Variants in HS3ST5 observed in about 807,000 individuals in gnomAD.
HS3ST5 encodes the protein heparan sulfate glucosamine 3-O-sulfotransferase 5.
HS3ST5 carries 10 observed loss-of-function variants against 25.4 expected under a neutral mutation model. The ratio of observed to expected loss-of-function variants is 0.39; its 90% confidence interval spans 0.24 to 0.67. The LOEUF (loss-of-function observed/expected upper bound fraction) is 0.67. HS3ST5 is among the 30% of genes least tolerant of loss of function. The probability of loss-of-function intolerance (pLI) is 0.44; values close to 1 mark genes in which losing one functional copy is unlikely to be tolerated. For synonymous variants in HS3ST5, 170 were observed against 162.4 expected (o/e 1.05, Z -0.36); for missense variants, 324 against 420.7 (o/e 0.77, Z 2.01).
At chr6:114,075,732 A>G (rs961973758) in intron 3 of HS3ST5, among the ~76,000 whole-genome samples, 2 of 152,108 alleles carry the variant, frequency 1.3e-5, no homozygotes, top group African/African-American at 4.8e-5. Flanking sequence ...TTTCTTCTTC[A>G]GATACTGAAC....
At chr6:114,119,212 C>T (rs1478164414) in intron 3 of HS3ST5, among the ~76,000 whole-genome samples, 1 of 152,140 alleles carries the variant, frequency 6.6e-6, no homozygotes, top group Non-Finnish European at 1.5e-5. Flanking sequence ...ATAAACAAGA[C>T]AGTAGAGAAG....
intron 2 of HS3ST5, among the ~76,000 whole-genome samples, chr6:114,204,929 C>G (rs990907150): frequency 5.3e-5 from 8 of 152,194 alleles, no homozygotes; most frequent in African/African-American, 1.9e-4. Flanking sequence ...CACAACATGC[C>G]TGGTAGAAAC....
At chr6:114,102,333 G>A (rs760672291) in intron 3 of HS3ST5, among the ~76,000 whole-genome samples, 4 of 152,148 alleles carry the variant, frequency 2.6e-5, no homozygotes, top group Non-Finnish European at 4.4e-5. Context: ...TTCCCAGAAC[G>A]TAAGCTGGTT....
intron 1 of HS3ST5, among the ~76,000 whole-genome samples, chr6:114,237,742 T>C (rs879258453): frequency 2.6e-5 from 4 of 152,208 alleles, no homozygotes; most frequent in Admixed American, 2.6e-4. Flanking sequence ...ACAGGCAAAG[T>C]TTGTTCATTA....
At chr6:114,309,588 C>T (rs1775445684) in intron 1 of HS3ST5, among the ~76,000 whole-genome samples, 1 of 152,002 alleles carries the variant, frequency 6.6e-6, no homozygotes. Context: ...CAAAAATTAA[C>T]CGGGCTTGGT....
At position 114,093,339 on chromosome 6, in the gene HS3ST5, T is replaced by TTTTG. The variant is rs1161325244; in HGVS notation, c.-32-30466_-32-30463dup. Among the ~76,000 whole-genome samples the TTTTG allele has an allele frequency of 9.0e-5, 12 of 133,228 alleles. No homozygotes were observed. In the South Asian group the frequency reaches 1.3e-3, roughly 14 times the overall value. 87.4% of individuals were successfully genotyped at this position (133,228 alleles called of 152,430 possible). On this transcript the variant is annotated intron_variant, in intron 3 of 4. Transcript: ENST00000312719. Reference sequence around the variant, plus strand: ...AGGCCTGAGAATGACCTTGTATCTTTTTTGTTTGTTTGTTTGTGTGTGTGT... The same window carrying TTTTG: ...AGGCCTGAGAATGACCTTGTATCTTTTTTGTTTGTTTGTTTGTTTGTGTGTGTGT...
intron 3 of HS3ST5, among the ~76,000 whole-genome samples, chr6:114,147,929 G>C (rs902103285): frequency 6.6e-6 from 1 of 152,034 alleles, no homozygotes; most frequent in Non-Finnish European, 1.5e-5. Context: ...TTTGATCTCT[G>C]TTGCAGCATA....
chr6:114,247,415 G>A (rs1383871024), intron 1 of HS3ST5, among the ~76,000 whole-genome samples: 1 of 152,106 alleles, frequency 6.6e-6, no homozygotes, highest in Non-Finnish European at 1.5e-5. Flanking sequence ...AAATGAGAGA[G>A]AAACCAAGAA....
At chr6:114,116,299 C>T (rs921884081) in intron 3 of HS3ST5, 1 of 151,944 alleles carries the variant, frequency 6.6e-6, no homozygotes, top group East Asian at 1.9e-4. Flanking sequence ...ATACAATTCT[C>T]TAAAGGAAAA....
intron 3 of HS3ST5, among the ~76,000 whole-genome samples, chr6:114,160,212 T>C (rs924662277): frequency 2.0e-5 from 3 of 151,400 alleles, no homozygotes; most frequent in Admixed American, 2.0e-4. Context: ...GGGTACTCTT[T>C]AGAATACTTC....
intron 2 of HS3ST5, among the ~76,000 whole-genome samples, chr6:114,207,933 T>G (rs1469039042): frequency 6.6e-6 from 1 of 152,196 alleles, no homozygotes; most frequent in Non-Finnish European, 1.5e-5. Context: ...ACTCTAGTGA[T>G]GGAAGTATGA....
intron 3 of HS3ST5, among the ~76,000 whole-genome samples, chr6:114,149,990 A>T (rs568092137): frequency 6.6e-6 from 1 of 152,318 alleles, no homozygotes; most frequent in Non-Finnish European, 1.5e-5. Flanking sequence ...TAGCCAAAAG[A>T]TAAGTGAGGC....
At chr6:114,130,549 G>A (rs1324911618) in intron 3 of HS3ST5, among the ~76,000 whole-genome samples, 2 of 152,216 alleles carry the variant, frequency 1.3e-5, no homozygotes, top group East Asian at 3.9e-4. Flanking sequence ...ATCAGCCTGG[G>A]AAATACAGAC....
chr6:114,142,638 G>A (rs1055339897), intron 3 of HS3ST5: 12 of 152,126 alleles, frequency 7.9e-5, no homozygotes, highest in African/African-American at 2.9e-4. Context: ...ACAGGTAAAT[G>A]CCATTTACAG....
chr6:114,163,825 C>T (rs1159869076), intron 3 of HS3ST5, among the ~76,000 whole-genome samples: 51 of 152,048 alleles, frequency 3.4e-4, no homozygotes. Flanking sequence ...CACTCCTAGC[C>T]TCTCTTATAG....
chr6:114,321,479 T>TGAGA (rs1775968072), intron 1 of HS3ST5, among the ~76,000 whole-genome samples: 1 of 152,130 alleles, frequency 6.6e-6, no homozygotes, highest in East Asian at 1.9e-4. Context: ...TGGCTTGAGT[T>TGAGA]ATTGCTCTGT....
chr6:114,319,133 C>T (rs1225917325), intron 1 of HS3ST5, among the ~76,000 whole-genome samples: 2 of 152,070 alleles, frequency 1.3e-5, no homozygotes, highest in Non-Finnish European at 2.9e-5. Context: ...AAACATGATA[C>T]AAGTTTACTT....
chr6:114,169,451 A>T (rs1294881143), intron 2 of HS3ST5, among the ~76,000 whole-genome samples: 1 of 152,150 alleles, frequency 6.6e-6, no homozygotes, highest in Non-Finnish European at 1.5e-5. Context: ...AGTTCTTGTC[A>T]ACTCTTCACC....
chr6:114,176,829 T>C (rs1779747865), intron 2 of HS3ST5, among the ~76,000 whole-genome samples: 1 of 152,170 alleles, frequency 6.6e-6, no homozygotes, highest in Non-Finnish European at 1.5e-5. Flanking sequence ...ACCCGTTCTT[T>C]TATGTGGCCT....
Sources: gnomAD v4.1 joint callset for allele counts (sites outside exome capture counted in the v4.1 genomes callset) on GRCh38, gnomAD v4.1.1 for gene constraint, MANE v1.5 for transcripts, NCBI Gene and HGNC (gene_info 2026-07-23, HGNC 2026-07-21) for gene names.